Variants in PALD1 observed in about 807,000 individuals in gnomAD.
PALD1 encodes phosphatase domain containing paladin 1.
A neutral mutation model predicts 96.0 loss-of-function variants in PALD1; 57 were observed. The ratio of observed to expected loss-of-function variants is 0.59; its 90% CI spans 0.48 to 0.74. PALD1 has a LOEUF of 0.74. PALD1 is among the 30% of genes least tolerant of loss of function. The pLI, the probability that PALD1 is intolerant of heterozygous loss-of-function variation, is 0.00. For missense variants in PALD1, 1,063 were observed against 1,143.7 expected (o/e 0.93, Z 1.02); for synonymous variants, 464 against 473.6 (o/e 0.98, Z 0.26).
At chr10:70,531,508 A>G (rs780778196) in intron 5 of PALD1, 54 bp downstream of exon 5, 1 of 1,539,528 alleles carries the variant, frequency 6.5e-7, no homozygotes, top group Non-Finnish European at 8.8e-7. Context: ...AGCTTTGCAG[A>G]TGCTCTTTTT....
At chr10:70,462,099 C>T in the PALD1 span, among the ~76,000 whole-genome samples, 1 of 152,212 alleles carries the variant, frequency 6.6e-6, no homozygotes, top group Non-Finnish European at 1.5e-5. Flanking sequence ...GGCTTGGCAT[C>T]ATGATTATCT....
At chr10:70,550,675 C>G (rs185184609) in intron 18 of PALD1, among the ~76,000 whole-genome samples, 1 of 152,184 alleles carries the variant, frequency 6.6e-6, no homozygotes, top group East Asian at 1.9e-4. Flanking sequence ...CTTTCTGCCT[C>G]TGTGGATTTG....
chr10:70,487,230 T>A (rs1454040970), intron 1 of PALD1, among the ~76,000 whole-genome samples: 1 of 147,670 alleles, frequency 6.8e-6, no homozygotes, highest in East Asian at 2.0e-4. Context: ...ACCTCCCAGG[T>A]TCACGTCATT....
intron 1 of PALD1, among the ~76,000 whole-genome samples, chr10:70,506,420 G>C (rs1352763430): frequency 6.6e-6 from 1 of 152,162 alleles, no homozygotes; most frequent in Non-Finnish European, 1.5e-5. Flanking sequence ...GAAGGAAGGC[G>C]CTGGGCCCTG....
chr10:70,499,993 G>C (rs1377413130), intron 1 of PALD1, among the ~76,000 whole-genome samples: 1 of 152,170 alleles, frequency 6.6e-6, no homozygotes, highest in African/African-American at 2.4e-5. Flanking sequence ...GGTTTTCTCA[G>C]TTAGTCCTCA....
At chr10:70,561,335 G>A (rs756541030) in intron 18 of PALD1, among the ~76,000 whole-genome samples, 5 of 152,210 alleles carry the variant, frequency 3.3e-5, no homozygotes, top group African/African-American at 4.8e-5. Context: ...GCTCTTGCCC[G>A]GTGGAACTGT....
intron 2 of PALD1, among the ~76,000 whole-genome samples, chr10:70,527,077 A>G (rs1846883563): frequency 6.6e-6 from 1 of 152,200 alleles, no homozygotes; most frequent in Non-Finnish European, 1.5e-5. Context: ...GAGACTTGAT[A>G]TGGAGTCTCT....
At chr10:70,510,264 GA>G (rs1249689079) in intron 1 of PALD1, among the ~76,000 whole-genome samples, 7 of 152,124 alleles carry the variant, frequency 4.6e-5, no homozygotes, top group African/African-American at 1.7e-4. Context: ...GAGATTGCTG[GA>G]GGTTGGAAGT....
At chr10:70,514,657 C>G (rs4746048) in intron 1 of PALD1, among the ~76,000 whole-genome samples, 104,456 of 151,980 alleles carry the variant, frequency 0.69, 36,107 homozygotes, top group Middle Eastern at 0.79. Flanking sequence ...CTTCTGTAAA[C>G]TGGGGATCCT....
At chr10:70,494,612 G>A (rs1294504653) in intron 1 of PALD1, among the ~76,000 whole-genome samples, 1 of 152,196 alleles carries the variant, frequency 6.6e-6, no homozygotes, top group Non-Finnish European at 1.5e-5. Flanking sequence ...CCCCTTGTCA[G>A]CGGGGTAATT....
intron 18 of PALD1, among the ~76,000 whole-genome samples, chr10:70,562,935 C>T (rs964386342): frequency 6.6e-6 from 1 of 152,138 alleles, no homozygotes; most frequent in Non-Finnish European, 1.5e-5. Context: ...AAGTTCCCTT[C>T]CTCCTGAGCA....
chr10:70,557,925 TCTTC>T (rs1341764591), intron 18 of PALD1, among the ~76,000 whole-genome samples: 1 of 125,590 alleles, frequency 8.0e-6, no homozygotes, highest in Admixed American at 9.8e-5. Context: ...CCTTGTTGGC[TCTTC>T]CTTTTTTTTT....
chr10:70,560,572 G>A (rs1298554361), intron 18 of PALD1, among the ~76,000 whole-genome samples: 1 of 151,974 alleles, frequency 6.6e-6, no homozygotes, highest in East Asian at 1.9e-4. Flanking sequence ...TCGGCCCGCA[G>A]GTGGCACTCA....
At chr10:70,481,269 C>T (rs1845926796) in intron 1 of PALD1, among the ~76,000 whole-genome samples, 1 of 152,350 alleles carries the variant, frequency 6.6e-6, no homozygotes, top group East Asian at 1.9e-4. Context: ...GAACCAGACA[C>T]AGGTGGGTTC....
upstream of PALD1, among the ~76,000 whole-genome samples, chr10:70,473,889 C>T (rs1337176805): frequency 1.0e-4 from 2 of 19,460 alleles, no homozygotes; most frequent in Non-Finnish European, 3.3e-4. Context: ...CTCAGGTGAT[C>T]CACCCCCCCC....
chr10:70,498,551 A>G (rs12571825), intron 1 of PALD1, among the ~76,000 whole-genome samples: 95,977 of 151,652 alleles, frequency 0.63, 30,649 homozygotes, highest in East Asian at 0.8. Context: ...AAGTGTTGAG[A>G]TAACAATCAT....
intron 1 of PALD1, among the ~76,000 whole-genome samples, chr10:70,483,813 T>C (rs1055852470): frequency 9.8e-5 from 15 of 152,346 alleles, no homozygotes; most frequent in African/African-American, 3.6e-4. Context: ...TTCCTGCTGG[T>C]CACAGAGTGG....
the PALD1 span, among the ~76,000 whole-genome samples, chr10:70,467,568 C>G: frequency 6.6e-6 from 1 of 152,176 alleles, no homozygotes; most frequent in African/African-American, 2.4e-5. Context: ...GAGTGAGATC[C>G]CCGTCACTGG....
intron 19 of PALD1, among the ~76,000 whole-genome samples, chr10:70,565,933 C>T (rs1176171344): frequency 6.6e-6 from 1 of 152,228 alleles, no homozygotes; most frequent in African/African-American, 2.4e-5. Context: ...AGGAGGGCTG[C>T]CGGTCCAGGC....
Sources: allele counts gnomAD v4.1 joint callset (sites outside exome capture counted in the v4.1 genomes callset), GRCh38; gene constraint gnomAD v4.1.1; transcripts MANE v1.5; gene names NCBI Gene and HGNC (gene_info 2026-07-23, HGNC 2026-07-21).